The following CELF2 variants were observed in gnomAD, a reference collection of about 807,000 sequenced individuals.
The protein encoded by CELF2 is CUGBP Elav-like family member 2.
CELF2 carries 8 observed loss-of-function variants against 62.6 expected under a neutral mutation model. The ratio of observed to expected loss-of-function variants is 0.13; its 90% CI spans 0.07 to 0.23. The LOEUF is 0.23. Ranked by LOEUF, CELF2 falls within the 10% of genes least tolerant of loss-of-function variation. The pLI, the probability that CELF2 is intolerant of heterozygous loss-of-function variation, is 1.00. For synonymous variants in CELF2, 258 were observed against 250.0 expected (o/e 1.03, Z -0.30); for missense variants, 333 against 671.0 (o/e 0.50, Z 5.56).
chr10:10,806,540 C>T (rs1234142830), intron 1 of CELF2, among the ~76,000 whole-genome samples: 2 of 152,166 alleles, frequency 1.3e-5, no homozygotes, highest in Non-Finnish European at 1.5e-5. Context: ...GTAGCAGCAG[C>T]TCTGGGTGTA....
chr10:10,854,899 C>T (rs1039641180), intron 1 of CELF2, among the ~76,000 whole-genome samples: 1 of 151,902 alleles, frequency 6.6e-6, no homozygotes, highest in Non-Finnish European at 1.5e-5. Flanking sequence ...AGAAAGTGGG[C>T]TCCAGGGGAG....
intron 1 of CELF2, among the ~76,000 whole-genome samples, chr10:10,817,836 C>T (rs772910279): frequency 2.4e-4 from 36 of 152,174 alleles, no homozygotes; most frequent in African/African-American, 8.0e-4. Context: ...AACTTTTGCT[C>T]CCTTACTACT....
intron 1 of CELF2, among the ~76,000 whole-genome samples, chr10:11,161,408 G>A (rs1481264013): frequency 1.3e-5 from 2 of 152,196 alleles, no homozygotes; most frequent in Non-Finnish European, 2.9e-5. Context: ...AGTGGTCACC[G>A]AGTTGGGAAA....
At chr10:11,030,580 C>G (rs2059942933) in intron 1 of CELF2, 1 of 152,134 alleles carries the variant, frequency 6.6e-6, no homozygotes, top group African/African-American at 2.4e-5. Context: ...GGTTGCAGCT[C>G]TGTTTCTCAC....
At chr10:10,508,405 G>A in the CELF2 span, among the ~76,000 whole-genome samples, 1 of 152,170 alleles carries the variant, frequency 6.6e-6, no homozygotes, top group Non-Finnish European at 1.5e-5. Context: ...AAAATCCTTA[G>A]TGCAGCTGCT....
intron 1 of CELF2, among the ~76,000 whole-genome samples, chr10:10,828,000 T>A (rs1240298506): frequency 3.3e-5 from 2 of 60,712 alleles, no homozygotes; most frequent in East Asian, 5.3e-4. Flanking sequence ...AGGCTAGTCT[T>A]AAAAAAAAAA....
At chr10:11,101,559 A>G (rs967782122) in intron 1 of CELF2, among the ~76,000 whole-genome samples, 31 of 152,228 alleles carry the variant, frequency 2.0e-4, no homozygotes, top group African/African-American at 7.2e-4. Flanking sequence ...CCTGGGTAGT[A>G]TCATAAATGA....
At chr10:11,042,258 G>C (rs1173804646) in intron 1 of CELF2, among the ~76,000 whole-genome samples, 1 of 152,226 alleles carries the variant, frequency 6.6e-6, no homozygotes, top group Non-Finnish European at 1.5e-5. Context: ...AAGCCTGGCA[G>C]CACTGTTTTG....
At chr10:10,494,704 T>A in the CELF2 span, among the ~76,000 whole-genome samples, 2 of 152,208 alleles carry the variant, frequency 1.3e-5, no homozygotes, top group African/African-American at 4.8e-5. Flanking sequence ...CTGTTCTGTG[T>A]TCATCATTGT....
the CELF2 span, among the ~76,000 whole-genome samples, chr10:10,735,865 G>A: frequency 2.0e-5 from 3 of 152,010 alleles, no homozygotes; most frequent in African/African-American, 7.3e-5. Flanking sequence ...AGCAGCAAGG[G>A]GTCATTCTGA....
Position 11,012,406 on chromosome 10 carries a change from A to C in CELF2, c.53+6966A>C, listed in dbSNP as rs754350993. Among the ~76,000 whole-genome samples the C allele has an allele frequency of 2.0e-5, 3 of 152,180 alleles. No homozygotes were observed. The highest frequency in any genetic ancestry group is 4.4e-5 in the Non-Finnish European group (3 of 68,030). On this transcript the variant is annotated intron_variant, in intron 1 of 12. Coordinates refer to the CELF2 transcript ENST00000416382. This position sits in a 1 kb window ranked among gnomAD's most constrained non-coding sequence, Gnocchi z 5.5. The stretch of plus-strand genomic sequence containing the variant: ...TTTTCAAGATGTATTTGTTCAGAAA[A>C]AGGACAGACATTCAGGCACATGGGC...
At chr10:10,660,918 A>G in the CELF2 span, among the ~76,000 whole-genome samples, 1 of 152,272 alleles carries the variant, frequency 6.6e-6, no homozygotes, top group African/African-American at 2.4e-5. Context: ...ACATATTGCC[A>G]CCAATCACTG....
upstream of CELF2, among the ~76,000 whole-genome samples, chr10:11,016,881 C>T (rs555458388): frequency 2.0e-5 from 3 of 152,296 alleles, no homozygotes; most frequent in South Asian, 6.2e-4. This position sits in a 1 kb window ranked among gnomAD's most constrained non-coding sequence, Gnocchi z 5.2. Context: ...ATTACAAAAT[C>T]AAGTGAAGGT....
intron 1 of CELF2, among the ~76,000 whole-genome samples, chr10:10,877,414 A>G (rs148265504): frequency 0.018 from 2,731 of 152,370 alleles, 35 homozygotes; most frequent in Middle Eastern, 0.044. Flanking sequence ...AAGGCAGGAC[A>G]ACGAGAAGTG....
intron 2 of CELF2, among the ~76,000 whole-genome samples, chr10:11,170,477 C>G (rs1313006493): frequency 2.0e-5 from 3 of 152,206 alleles, no homozygotes; most frequent in Admixed American, 2.0e-4. Context: ...TCATGTCCAT[C>G]TGGAGTGGGC....
the CELF2 span, among the ~76,000 whole-genome samples, chr10:10,477,815 T>A: frequency 6.7e-6 from 1 of 149,684 alleles, no homozygotes; most frequent in South Asian, 2.1e-4. Context: ...ATAAGAAGAA[T>A]TGGCCAATTC....
the CELF2 span, among the ~76,000 whole-genome samples, chr10:10,696,573 T>C: frequency 8.6e-5 from 13 of 151,974 alleles, no homozygotes; most frequent in Admixed American, 3.9e-4. Flanking sequence ...TAAGCAAGCC[T>C]GGGCAATGGC....
At chr10:10,601,785 A>G in the CELF2 span, among the ~76,000 whole-genome samples, 1 of 150,530 alleles carries the variant, frequency 6.6e-6, no homozygotes, top group Non-Finnish European at 1.5e-5. Flanking sequence ...CAGGTTTGTT[A>G]CACAGTTCAA....
the CELF2 span, among the ~76,000 whole-genome samples, chr10:10,561,711 C>A: frequency 6.6e-6 from 1 of 152,128 alleles, no homozygotes; most frequent in South Asian, 2.1e-4. Flanking sequence ...GAGGTGGGAG[C>A]CACTGTGCCC....
Sources: gnomAD v4.1 joint callset for allele counts (sites outside exome capture counted in the v4.1 genomes callset) on GRCh38, gnomAD v4.1.1 for gene constraint, Gnocchi (gnomAD v3.1) non-coding constraint, MANE v1.5 for transcripts, NCBI Gene and HGNC (gene_info 2026-07-23, HGNC 2026-07-21) for gene names.